Variants in KCNN2 observed in about 807,000 individuals in gnomAD.
KCNN2 encodes the protein small conductance calcium-activated potassium channel protein 2.
KCNN2 carries 24 observed loss-of-function variants against 55.5 expected under a neutral mutation model. The ratio of observed to expected loss-of-function variants is 0.43; its 90% CI spans 0.31 to 0.61. The LOEUF is 0.61. KCNN2 is among the 20% of genes least tolerant of loss of function. KCNN2 has a pLI of 0.08. For synonymous variants in KCNN2, 431 were observed against 336.1 expected (o/e 1.28, Z -3.09); for missense variants, 754 against 853.6 (o/e 0.88, Z 1.45).
At chr5:114,476,153 C>T (rs1473252072) in intron 5 of KCNN2, among the ~76,000 whole-genome samples, 1 of 151,278 alleles carries the variant, frequency 6.6e-6, no homozygotes, top group African/African-American at 2.4e-5. Flanking sequence ...CGTCATCTAG[C>T]ATTAGGTATA....
At chr5:114,236,033 T>A (rs943310109) in intron 2 of KCNN2, among the ~76,000 whole-genome samples, 35 of 152,214 alleles carry the variant, frequency 2.3e-4, no homozygotes, top group Non-Finnish European at 2.5e-4. Context: ...CCATTTTATC[T>A]TCCTCCTTGG....
intron 1 of KCNN2, among the ~76,000 whole-genome samples, chr5:114,083,520 G>A (rs528304904): frequency 6.6e-6 from 1 of 151,766 alleles, no homozygotes; most frequent in South Asian, 2.1e-4. Context: ...TTTGGAAGTG[G>A]GTTTTTTAAA....
At chr5:114,384,368 G>A (rs530523257) in intron 2 of KCNN2, among the ~76,000 whole-genome samples, 1 of 152,092 alleles carries the variant, frequency 6.6e-6, no homozygotes, top group East Asian at 1.9e-4. Flanking sequence ...TATTCTTTTT[G>A]TCTCTAGGGG....
intron 1 of KCNN2, among the ~76,000 whole-genome samples, chr5:114,092,207 C>T (rs147946843): frequency 6.6e-6 from 1 of 152,146 alleles, no homozygotes; most frequent in East Asian, 1.9e-4. Flanking sequence ...AGAAATTAGC[C>T]TTAACAAAGG....
intron 1 of KCNN2, among the ~76,000 whole-genome samples, chr5:114,215,217 A>G (rs766529195): frequency 6.6e-5 from 10 of 152,148 alleles, no homozygotes; most frequent in Non-Finnish European, 1.2e-4. Context: ...TATTCCTACT[A>G]GAATATAGAG....
At position 114,211,602 on chromosome 5, in the gene KCNN2, TG is replaced by T. The variant is rs577433651; in HGVS notation, c.-270-9875del. Among the ~76,000 whole-genome samples, 18 of 152,114 alleles carry T rather than the reference TG, an allele frequency of 1.2e-4. No homozygotes were observed. In the South Asian group the frequency reaches 2.1e-3, roughly 18 times the overall value. On this transcript the variant is annotated intron_variant, in intron 1 of 10. Transcript: ENST00000512097. ...GAAGGAAGATCAAAAAGATAACTGT[TG>T]GGTAGTAGGCTTAGTACCTGGGTGA...
chr5:114,385,712 C>T (rs969873872), intron 2 of KCNN2, among the ~76,000 whole-genome samples: 1 of 152,050 alleles, frequency 6.6e-6, no homozygotes, highest in Non-Finnish European at 1.5e-5. Context: ...TTCATGACCC[C>T]AAAGGCTGAC....
intron 1 of KCNN2, among the ~76,000 whole-genome samples, chr5:114,142,783 A>T (rs932958179): frequency 2.0e-5 from 3 of 152,192 alleles, no homozygotes; most frequent in Non-Finnish European, 2.9e-5. Context: ...GAAAATGGCC[A>T]TACTGCCCAA....
exon 1 of KCNN2, chr5:114,056,487 G>T (rs913555178): frequency 7.5e-6 from 3 of 398,562 alleles, no homozygotes; most frequent in Middle Eastern, 6.3e-4. Flanking sequence ...CGGGACTCCT[G>T]GTTGCAGAAC....
intron 2 of KCNN2, among the ~76,000 whole-genome samples, chr5:114,304,367 T>C (rs1561563242): frequency 6.6e-6 from 1 of 152,222 alleles, no homozygotes; most frequent in Non-Finnish European, 1.5e-5. Flanking sequence ...TTAGGCCTTT[T>C]GGCCCCACTC....
chr5:114,318,963 A>G (rs1325278043), intron 2 of KCNN2, among the ~76,000 whole-genome samples: 1 of 149,102 alleles, frequency 6.7e-6, no homozygotes, highest in Non-Finnish European at 1.5e-5. Context: ...CTGAGGCTCA[A>G]AGATACTGAG....
intron 2 of KCNN2, among the ~76,000 whole-genome samples, chr5:114,268,379 A>G (rs1755253575): frequency 6.6e-6 from 1 of 152,244 alleles, no homozygotes. Flanking sequence ...AATGTTTTAT[A>G]TAAAATTTAA....
chr5:114,138,943 C>G (rs146582013), intron 1 of KCNN2, among the ~76,000 whole-genome samples: 1 of 152,130 alleles, frequency 6.6e-6, no homozygotes, highest in Admixed American at 6.6e-5. Context: ...ATGGCAATTG[C>G]ACTAGTGCTA....
At chr5:114,262,675 T>A (rs548214971) in intron 2 of KCNN2, among the ~76,000 whole-genome samples, 1 of 152,230 alleles carries the variant, frequency 6.6e-6, no homozygotes, top group African/African-American at 2.4e-5. Context: ...GAATAGCAGG[T>A]GAAACTTATG....
intron 2 of KCNN2, among the ~76,000 whole-genome samples, chr5:114,336,690 A>G (rs897527818): frequency 2.6e-5 from 4 of 152,234 alleles, no homozygotes; most frequent in Non-Finnish European, 5.9e-5. Flanking sequence ...GGGGATGGCT[A>G]TTGAAGAAAC....
intron 5 of KCNN2, among the ~76,000 whole-genome samples, chr5:114,480,430 C>T (rs914303130): frequency 8.5e-5 from 13 of 152,086 alleles, no homozygotes; most frequent in Admixed American, 1.3e-4. Context: ...ACCAGAGGCA[C>T]GAAGAAGAGC....
At chr5:114,378,746 A>G (rs1758015873) in intron 2 of KCNN2, among the ~76,000 whole-genome samples, 1 of 151,966 alleles carries the variant, frequency 6.6e-6, no homozygotes, top group Non-Finnish European at 1.5e-5. Flanking sequence ...TCATTGAGCT[A>G]GGCATCTCAT....
chr5:114,105,017 CA>C (rs1751453417), intron 1 of KCNN2, among the ~76,000 whole-genome samples: 1 of 152,058 alleles, frequency 6.6e-6, no homozygotes, highest in African/African-American at 2.4e-5. Flanking sequence ...TCTTCTGATT[CA>C]TTAATGAACG....
Position 114,084,808 on chromosome 5 carries a change from A to G in KCNN2, c.-271+28308A>G, listed in dbSNP as rs545709534. Among the ~76,000 whole-genome samples, 50 of 152,074 alleles carry G rather than the reference A, an allele frequency of 3.3e-4. 1 individual carries two copies. The South Asian group carries it at 9.7e-3, about 30-fold the overall frequency. On this transcript the variant is annotated intron_variant, in intron 1 of 10. Transcript: ENST00000512097. The stretch of plus-strand genomic sequence containing the variant: ...TTTTACGGTTTTTGGTTTTACAACT[A>G]GGTCTATGATTCAATTTTGAGTTAA...
Sources: gnomAD v4.1 joint callset for allele counts (sites outside exome capture counted in the v4.1 genomes callset) on GRCh38, gnomAD v4.1.1 for gene constraint, MANE v1.5 for transcripts, NCBI Gene and HGNC (gene_info 2026-07-23, HGNC 2026-07-21) for gene names.